Variants in CORO7 observed in about 807,000 individuals in gnomAD.
CORO7 encodes the protein coronin 7, also known as coronin-7.
Under a neutral mutation model 126.6 loss-of-function variants are expected in CORO7, and 107 were observed. The ratio of observed to expected loss-of-function variants is 0.85; its 90% CI spans 0.72 to 0.99. The LOEUF (loss-of-function observed/expected upper bound fraction) is 0.99, where lower values mean the gene tolerates loss of function less well. Among genes scored for constraint, CORO7 ranks in the 50% least tolerant of loss-of-function variants. The probability of loss-of-function intolerance (pLI) is 0.00; values close to 1 mark genes in which losing one functional copy is unlikely to be tolerated. For synonymous variants in CORO7, 603 were observed against 536.8 expected, an observed-to-expected ratio of 1.12 and a Z score of -1.70; for missense variants, 1,314 against 1,255.8, an observed-to-expected ratio of 1.05 and a Z score of -0.70.
chr16:4,397,148 A>T (rs1478962258), intron 6 of CORO7, among the ~76,000 whole-genome samples: 1 of 152,130 alleles, frequency 6.6e-6, no homozygotes, highest in Non-Finnish European at 1.5e-5. Context: ...TTAAATTGAA[A>T]ATATAGTAAG....
chr16:4,360,620 C>T, intron 19 of CORO7, 72 bp from the exon 20 acceptor site: 1 of 1,521,058 alleles, frequency 6.6e-7, no homozygotes, highest in Non-Finnish European at 8.8e-7. Context: ...CTGCTCCTGC[C>T]CCTCCTCACT....
Position 4,357,244 on chromosome 16 carries a change from C to T in CORO7, c.2609G>A (p.Arg870Gln), listed in dbSNP as rs145777624. 7 of 1,613,096 alleles carry T rather than the reference C, an allele frequency of 4.3e-6. No individual in the cohort carries two copies. Among genetic ancestry groups the T allele is most frequent in the African/African-American group, 4.0e-5 (3 of 74,846 alleles). ...TGGGGCCCGACGAGCAGGGGCCTCT[C>T]GGGGGGCTTGGCTCACTGGGACAGA... ...PDMSPVSQAP[R>Q]EAPARRAPSS... The change falls in exon 26 of 28, where the codon CGA (arginine) becomes CAA (glutamine). Residue 870 changes from arginine (R) to glutamine (Q), a missense_variant. By Grantham distance (43) the Arg-to-Gln change is conservative. Coordinates refer to ENST00000251166, the MANE Select transcript of CORO7 (RefSeq NM_024535.5).
At chr16:4,412,275 G>C (rs1159164044) in intron 3 of CORO7, 81 bp downstream of exon 3, 1 of 1,499,072 alleles carries the variant, frequency 6.7e-7, no homozygotes, top group Non-Finnish European at 9.2e-7. Flanking sequence ...GCGGCAGTGG[G>C]ACCAGGTGAG....
chr16:4,378,358 TGGCCAC>T (rs1223411827), intron 9 of CORO7, among the ~76,000 whole-genome samples: 6 of 151,726 alleles, frequency 4.0e-5, no homozygotes, highest in Admixed American at 6.6e-5. Flanking sequence ...CTGGCCAGGC[TGGCCAC>T]GTGGAGGATC....
rs561810989 is a variant in CORO7 at position 4,413,313 on chromosome 16, C to T, written c.152G>A (p.Arg51His). ...SCSLIAFNSD[R>H]PGVLGIVPLQ... ...CACTCATGGCCATTCCCTACCAGGA[C>T]GGTCGGAGTTGAAGGCGATCAAGCT... The change falls in exon 2 of 28, where the codon CGT becomes CAT. Residue 51 changes from arginine to histidine, a missense_variant. Transcript: ENST00000251166. The T allele has an allele frequency of 4.1e-5, 65 of 1,576,710 alleles. No homozygotes were observed. Among genetic ancestry groups the T allele is most frequent in the African/African-American group, 1.9e-4 (14 of 74,310 alleles).
intron 9 of CORO7, chr16:4,387,741 T>C: frequency 1.7e-6 from 1 of 575,990 alleles, no homozygotes; most frequent in East Asian, 2.8e-5. Flanking sequence ...ATGAAACCTC[T>C]GGTGACCAAG....
At chr16:4,361,113 C>T (rs927816034) in intron 18 of CORO7, 28 bp from the exon 19 acceptor site, 1 of 1,613,298 alleles carries the variant, frequency 6.2e-7, no homozygotes, top group Non-Finnish European at 8.5e-7. Context: ...TGATCAGGAG[C>T]CCTTGGGAGA....
intron 9 of CORO7, among the ~76,000 whole-genome samples, chr16:4,386,289 G>A (rs1017972395): frequency 2.0e-5 from 3 of 152,240 alleles, no homozygotes; most frequent in African/African-American, 7.2e-5. Flanking sequence ...GGCACCGTGA[G>A]GTCTGGGCAT....
At chr16:4,366,844 T>C (rs2054364155) in intron 9 of CORO7, among the ~76,000 whole-genome samples, 1 of 152,124 alleles carries the variant, frequency 6.6e-6, no homozygotes, top group Non-Finnish European at 1.5e-5. Flanking sequence ...CACTTGGTCT[T>C]GGTTTCTTGT....
chr16:4,382,668 CTG>C, intron 9 of CORO7: 1 of 1,549,900 alleles, frequency 6.5e-7, no homozygotes, highest in Non-Finnish European at 8.7e-7. Context: ...GGGCAGCCTA[CTG>C]TGTGCGGCGG....
In CORO7 at chr16:4,382,096, C is replaced by A. The variant is rs763333835; in HGVS notation, c.785+5890G>T. The A allele has an allele frequency of 2.5e-6, 4 of 1,584,124 alleles. No individual in the cohort carries two copies. The African/African-American group carries it at 4.0e-5, about 16-fold the overall frequency. On this transcript the variant is annotated intron_variant, in intron 9 of 27. Transcript: ENST00000251166. The stretch of plus-strand genomic sequence containing the variant: ...GACTGTAGGGCCTGTCCCCCAGCCC[C>A]AGGACTGCCCACCGTCCACCTGCCT...
rs1329351533 is a variant in CORO7, at chr16:4,381,260, G to A, written c.785+6726C>T. ...TTCCGTGGCCTGCGGCGCCTCGAGC[G>A]CCTCTACCTGGGCAAGAACCGCATC... On this transcript the variant is annotated intron_variant, in intron 9 of 27. Transcript: ENST00000251166. The A allele has an allele frequency of 3.1e-6, 5 of 1,611,612 alleles. No individual in the cohort carries two copies. The highest frequency in any genetic ancestry group is 2.2e-5 in the East Asian group (1 of 44,754).
intron 9 of CORO7, chr16:4,380,727 C>G: frequency 1.1e-6 from 1 of 908,286 alleles, no homozygotes; most frequent in South Asian, 1.8e-5. Context: ...TGGGTCGGGG[C>G]ACTGGCGACC....
At chr16:4,382,714 G>C in intron 9 of CORO7, 1 of 1,551,038 alleles carries the variant, frequency 6.4e-7, no homozygotes, top group Non-Finnish European at 8.7e-7. Context: ...TCAGGACAAA[G>C]GGCAGGTGGG....
At chr16:4,389,632 G>T (rs2055317632) in intron 7 of CORO7, among the ~76,000 whole-genome samples, 1 of 152,190 alleles carries the variant, frequency 6.6e-6, no homozygotes, top group South Asian at 2.1e-4. Flanking sequence ...TTCCCACCAG[G>T]CTGTGGCCGG....
chr16:4,359,600 G>T lies in CORO7; in HGVS notation c.2130C>A (p.Leu710=). The T allele has an allele frequency of 6.2e-7, 1 of 1,604,606 alleles. No individual in the cohort carries two copies. The highest frequency in any genetic ancestry group is 1.1e-5 in the South Asian group (1 of 90,560). Reference sequence around the variant, plus strand: ...CGGCCAGGGCCTCAGCTTCATATAGGAGCAGCTGGCGCTCACTTTGGCTGC... The same window carrying T: ...CGGCCAGGGCCTCAGCTTCATATAGTAGCAGCTGGCGCTCACTTTGGCTGC... ...GFDSQSERQL[L]LYEAEALAGG... Residue 710 remains leucine, a synonymous_variant, in exon 22 of 28, where the codon CTC becomes CTA. Coordinates refer to ENST00000251166, the MANE Select transcript of CORO7 (RefSeq NM_024535.5).
chr16:4,356,080 A>C (rs1442290070), intron 26 of CORO7, among the ~76,000 whole-genome samples: 1 of 152,088 alleles, frequency 6.6e-6, no homozygotes, highest in Non-Finnish European at 1.5e-5. Context: ...CAGCCTCCCA[A>C]GTAGCTGGGA....
At chr16:4,392,631 G>C (rs2055434616) in intron 7 of CORO7, among the ~76,000 whole-genome samples, 1 of 152,198 alleles carries the variant, frequency 6.6e-6, no homozygotes, top group African/African-American at 2.4e-5. Context: ...CCCGCTCCCT[G>C]ACCCCCAGCC....
chr16:4,395,647 C>G (rs998369341), intron 6 of CORO7, among the ~76,000 whole-genome samples: 10 of 152,240 alleles, frequency 6.6e-5, no homozygotes, highest in Non-Finnish European at 4.4e-5. Flanking sequence ...CCCTCCTACT[C>G]TTCCAACTAC....
Sources: gnomAD v4.1 joint callset for allele counts (sites outside exome capture counted in the v4.1 genomes callset) on GRCh38, gnomAD v4.1.1 for gene constraint, MANE v1.5 for transcripts, NCBI Gene and HGNC (gene_info 2026-07-23, HGNC 2026-07-21) for gene names.